Variants in TOGARAM2 observed in about 807,000 individuals in gnomAD.
The protein encoded by TOGARAM2 is TOG array regulator of axonemal microtubules 2, also known as TOG array regulator of axonemal microtubules protein 2.
TOGARAM2 carries 85 observed loss-of-function variants against 93.3 expected under a neutral mutation model. The ratio of observed to expected loss-of-function variants is 0.91; its 90% CI spans 0.76 to 1.09. The LOEUF is 1.09. TOGARAM2 is among the 50% of genes least tolerant of loss of function. The pLI, the probability that TOGARAM2 is intolerant of heterozygous loss-of-function variation, is 0.00. For synonymous variants in TOGARAM2, 593 were observed against 552.8 expected (o/e 1.07, Z -1.02); for missense variants, 1,277 against 1,334.5 (o/e 0.96, Z 0.67).
At chr2:28,957,347 A>C (rs948711131) in intron 1 of TOGARAM2, among the ~76,000 whole-genome samples, 3 of 151,754 alleles carry the variant, frequency 2.0e-5, no homozygotes, top group African/African-American at 7.3e-5. Flanking sequence ...CGCCTGGCTC[A>C]TTTTTGTATT....
chr2:29,040,413 A>T (rs1249452920), intron 18 of TOGARAM2, among the ~76,000 whole-genome samples: 1 of 152,208 alleles, frequency 6.6e-6, no homozygotes, highest in Non-Finnish European at 1.5e-5. Flanking sequence ...CATTATTAAC[A>T]TTTGGCATTT....
In TOGARAM2 at chr2:28,981,472, A is replaced by G. The variant is rs1468356655; in HGVS notation, c.-177A>G. On this transcript the variant is annotated 5_prime_UTR_variant, in exon 1 of 20. Coordinates refer to ENST00000379558, the MANE Select transcript of TOGARAM2 (RefSeq NM_199280.4). Reference sequence around the variant, plus strand: ...TGCCTCCCTGGGCCCATGAGCATCAACGTCTCTATAGAGACCAAGGACCCT... The same window carrying G: ...TGCCTCCCTGGGCCCATGAGCATCAGCGTCTCTATAGAGACCAAGGACCCT... 6.6e-6 allele frequency: 1 copy of G among 152,396 alleles called. No homozygotes were observed. The highest frequency in any genetic ancestry group is 1.5e-5 in the Non-Finnish European group (1 of 68,192). The allele number at this position is 152,396 out of a possible 1,614,324, so 9.4% of individuals were successfully genotyped here. A position where few individuals can be genotyped will look rare whatever the true frequency, so the allele number is the denominator to read the frequency against.
rs78078116 is a variant in TOGARAM2, at chr2:28,989,757, C to T, written c.-110-4968C>T. 2.8e-3 allele frequency among the ~76,000 whole-genome samples: 428 copies of T among 151,768 alleles called. 4 individuals carry two copies. Among genetic ancestry groups the T allele is most frequent in the African/African-American group, 9.9e-3 (409 of 41,364 alleles). ...TTTACTATGTTGGCCAGGCTGGTCT[C>T]GAACTCAAGCGATCAGACAGCCTTG... On this transcript the variant is annotated intron_variant, in intron 1 of 19. Transcript: ENST00000379558.
At chr2:28,996,062 G>T (rs1407844073) in intron 2 of TOGARAM2, among the ~76,000 whole-genome samples, 1 of 152,248 alleles carries the variant, frequency 6.6e-6, no homozygotes. Context: ...ACACAGGGCT[G>T]TGCCTGGGGC....
intron 11 of TOGARAM2, 48 bp downstream of exon 11, chr2:29,022,356 G>A (rs1306713170): frequency 6.2e-7 from 1 of 1,602,656 alleles, no homozygotes; most frequent in East Asian, 2.2e-5. Flanking sequence ...GGAAGCAGGG[G>A]CTGTTGCAGA....
At chr2:28,999,059 T>G in intron 3 of TOGARAM2, 122 bp from the exon 4 acceptor site, 1 of 1,011,548 alleles carries the variant, frequency 9.9e-7, no homozygotes, top group South Asian at 1.7e-5. Context: ...AAACATTAAA[T>G]GACTGGGTTT....
chr2:28,975,516 T>A (rs963785011), intron 1 of TOGARAM2, among the ~76,000 whole-genome samples: 5 of 152,198 alleles, frequency 3.3e-5, no homozygotes, highest in African/African-American at 1.2e-4. Flanking sequence ...TTTTATTTTT[T>A]AATGTGTTTT....
intron 18 of TOGARAM2, among the ~76,000 whole-genome samples, chr2:29,041,972 C>T (rs1666466202): frequency 6.6e-6 from 1 of 152,222 alleles, no homozygotes; most frequent in Admixed American, 6.5e-5. Flanking sequence ...TGAACCCTTA[C>T]AGCAACTTTA....
intron 19 of TOGARAM2, chr2:29,047,889 T>TG (rs1413834821): frequency 6.3e-5 from 7 of 111,966 alleles, no homozygotes; most frequent in African/African-American, 2.5e-4. Context: ...GAGGCTCTGT[T>TG]GGGGGGCAGG....
At chr2:29,012,694 G>A (rs1395756531) in intron 7 of TOGARAM2, among the ~76,000 whole-genome samples, 3 of 152,208 alleles carry the variant, frequency 2.0e-5, no homozygotes, top group Admixed American at 1.3e-4. Flanking sequence ...AAATAGTTAA[G>A]TCCTTAAAGG....
intron 14 of TOGARAM2, among the ~76,000 whole-genome samples, chr2:29,032,485 G>A (rs548872296): frequency 2.2e-4 from 33 of 152,194 alleles, no homozygotes; most frequent in African/African-American, 7.0e-4. Flanking sequence ...ATATTGTCCC[G>A]CTTTACCCTT....
intron 10 of TOGARAM2, among the ~76,000 whole-genome samples, chr2:29,021,000 G>A (rs1314391627): frequency 2.6e-5 from 4 of 152,038 alleles, no homozygotes; most frequent in African/African-American, 4.8e-5. Flanking sequence ...TGCAACCTAC[G>A]CTTCCCGAGT....
rs188723197 is a variant in TOGARAM2 at position 29,015,216 on chromosome 2, C to T, written c.1044+655C>T. On this transcript the variant is annotated intron_variant, in intron 8 of 19. Transcript: ENST00000379558. ...TGACTGTTAAATCAGCACCACAACCCTCCCACTGTAGAGAGGACCACAGAA... is the reference window on the plus strand; with the variant it reads ...TGACTGTTAAATCAGCACCACAACCTTCCCACTGTAGAGAGGACCACAGAA... Among the ~76,000 whole-genome samples the T allele has an allele frequency of 1.6e-4, 25 of 152,258 alleles. 1 individual carries two copies. In the East Asian group the frequency reaches 3.9e-3, roughly 24 times the overall value.
At chr2:29,010,689 G>T (rs1047196065) in intron 6 of TOGARAM2, among the ~76,000 whole-genome samples, 3 of 152,064 alleles carry the variant, frequency 2.0e-5, no homozygotes, top group Non-Finnish European at 4.4e-5. Context: ...CATGTAGGAC[G>T]CTGCAGGGCT....
intron 18 of TOGARAM2, among the ~76,000 whole-genome samples, chr2:29,037,579 C>T (rs987834580): frequency 2.0e-5 from 3 of 152,092 alleles, no homozygotes; most frequent in South Asian, 2.1e-4. Context: ...CTGTCCCCCT[C>T]CCCCCGACCC....
chr2:29,022,420 T>C, intron 11 of TOGARAM2, 112 bp downstream of exon 11: 1 of 1,464,198 alleles, frequency 6.8e-7, no homozygotes, highest in Non-Finnish European at 9.2e-7. Context: ...TCCAGCACCA[T>C]GGAGCATAAA....
chr2:29,036,911 C>T (rs1666149436), intron 18 of TOGARAM2, among the ~76,000 whole-genome samples, 154 bp downstream of exon 18: 1 of 152,064 alleles, frequency 6.6e-6, no homozygotes, highest in Non-Finnish European at 1.5e-5. Context: ...GCCTCCAAGG[C>T]TCTTGGCCAG....
chr2:29,033,661 G>A, intron 16 of TOGARAM2, 98 bp downstream of exon 16: 1 of 1,082,526 alleles, frequency 9.2e-7, no homozygotes, highest in East Asian at 2.6e-5. Flanking sequence ...GTGGACATAT[G>A]GATCTGGGGT....
At chr2:28,957,585 TCTCC>T (rs1671745714) in intron 1 of TOGARAM2, among the ~76,000 whole-genome samples, 1 of 152,220 alleles carries the variant, frequency 6.6e-6, no homozygotes. Flanking sequence ...TTGTGGCTCT[TCTCC>T]CTCTGGCTGG....
Sources: allele counts gnomAD v4.1 joint callset (sites outside exome capture counted in the v4.1 genomes callset), GRCh38; gene constraint gnomAD v4.1.1; transcripts MANE v1.5; gene names NCBI Gene and HGNC (gene_info 2026-07-23, HGNC 2026-07-21).